Variants in SULT1C3 observed in about 807,000 individuals in gnomAD.
SULT1C3 encodes the protein sulfotransferase 1C3.
SULT1C3 carries 31 observed loss-of-function variants against 28.4 expected under a neutral mutation model. The ratio of observed to expected loss-of-function variants is 1.09; its 90% CI spans 0.82 to 1.47. The LOEUF (loss-of-function observed/expected upper bound fraction) is 1.47. Ranked by LOEUF, SULT1C3 falls within the 40% of genes most tolerant of loss-of-function variation. SULT1C3 has a pLI of 0.00. For missense variants in SULT1C3, 307 were observed against 272.5 expected (o/e 1.13, Z -0.89); for synonymous variants, 106 against 92.2 (o/e 1.15, Z -0.86).
At chr2:108,247,152 A>T in intron 1 of SULT1C3, 36 bp from the exon 2 acceptor site, 1 of 1,383,214 alleles carries the variant, frequency 7.2e-7, no homozygotes. Context: ...CAACATTTTT[A>T]AAAATTTTAA....
At chr2:108,257,932 GTCACT>G (rs1229702996) in intron 5 of SULT1C3, among the ~76,000 whole-genome samples, 2 of 152,028 alleles carry the variant, frequency 1.3e-5, no homozygotes, top group East Asian at 3.9e-4. Flanking sequence ...CAAAGTTCAA[GTCACT>G]GCAAACTTAC....
In SULT1C3 at chr2:108,259,008, AAAACTTGGTCAGGTGATGTTAT is replaced by A. The variant is rs149535765; in HGVS notation, c.669_690del (p.Trp224ArgfsTer10). On this transcript the variant is annotated frameshift_variant, in exon 7 of 8. Transcript: ENST00000681802. LOFTEE classifies it high-confidence loss of function. ...CCACAAGGTGTTGGAATTCTTGGAG[AAAACTTGGTCAGGTGATGTTAT>A]AAACAAGATTGTCCACCATACCTCA... 214,330 of 680,116 alleles carry A rather than the reference AAAACTTGGTCAGGTGATGTTAT, an allele frequency of 0.32. 37,634 individuals carry two copies. Among genetic ancestry groups the A allele is most frequent in the South Asian group, 0.38 (23,925 of 63,378 alleles). The allele number at this position is 680,116 out of a possible 1,614,324, so 42.1% of individuals were successfully genotyped here. A position where few individuals can be genotyped will look rare whatever the true frequency, so the allele number is the denominator to read the frequency against.
intron 5 of SULT1C3, among the ~76,000 whole-genome samples, chr2:108,256,522 C>T (rs1675872672): frequency 6.6e-6 from 1 of 152,080 alleles, no homozygotes; most frequent in Admixed American, 6.6e-5. Context: ...TCCACCATTT[C>T]ACTAACGTCT....
At chr2:108,247,459 G>T in intron 2 of SULT1C3, 93 bp downstream of exon 2, 1 of 1,207,274 alleles carries the variant, frequency 8.3e-7, no homozygotes. Flanking sequence ...GGGATTTGGA[G>T]AGAAACAATT....
At chr2:108,240,768 A>G (rs1358901162) in intron 1 of SULT1C3, among the ~76,000 whole-genome samples, 6 of 152,252 alleles carry the variant, frequency 3.9e-5, no homozygotes, top group African/African-American at 1.2e-4. Context: ...AATGACAAAT[A>G]TATGATAACA....
In SULT1C3 at chr2:108,259,279, C is replaced by G. The variant is rs542092456; in HGVS notation, c.802+133C>G. ...ATTTTGAATCTCTGCTCCCTTCACC[C>G]TGCCTGTTTGCAGACAGCCAATGTC... On this transcript the variant is annotated intron_variant, in intron 7 of 7. Transcript: ENST00000681802. 1.6e-3 allele frequency: 316 copies of G among 200,854 alleles called. 2 individuals carry two copies. Among genetic ancestry groups the G allele is most frequent in the Non-Finnish European group, 2.4e-3 (229 of 94,958 alleles). The allele number at this position is 200,854 out of a possible 1,614,324, so 12.4% of individuals were successfully genotyped here.
intron 1 of SULT1C3, among the ~76,000 whole-genome samples, chr2:108,243,842 A>T (rs1675523697): frequency 6.6e-6 from 1 of 152,204 alleles, no homozygotes; most frequent in Non-Finnish European, 1.5e-5. Flanking sequence ...AAACTGGCTT[A>T]TATGATTTTT....
chr2:108,245,301 G>A (rs1162601232), intron 1 of SULT1C3, among the ~76,000 whole-genome samples: 1 of 151,646 alleles, frequency 6.6e-6, no homozygotes, highest in Non-Finnish European at 1.5e-5. Context: ...TGTGGCCTGC[G>A]TGCCTTCCAA....
chr2:108,253,254 T>C lies in SULT1C3; in HGVS notation c.302-91T>C, dbSNP rs867534693. ...TTTCCAATGGATATAAAACAAAATA[T>C]AATCACTCTACAGACAAAGATATAA... is the stretch of plus-strand genomic sequence containing the variant. On this transcript the variant is annotated intron_variant, in intron 3 of 7. Transcript: ENST00000681802. 9.1e-6 allele frequency: 7 copies of C among 765,416 alleles called. No individual in the cohort carries two copies. The Middle Eastern group carries it at 1.5e-3, about 168-fold the overall frequency. The allele number at this position is 765,416 out of a possible 1,614,324, so 47.4% of individuals were successfully genotyped here.
chr2:108,263,142 G>A (rs1479548519), downstream of SULT1C3, among the ~76,000 whole-genome samples: 1 of 152,072 alleles, frequency 6.6e-6, no homozygotes, highest in Non-Finnish European at 1.5e-5. Flanking sequence ...CTGAGGTTTG[G>A]GGAGTTCCTT....
rs371453183 is a variant in SULT1C3 at position 108,247,058 on chromosome 2, G to C, written c.-7-130G>C. ...TTAATGTACATAGAGTAAGTTGTTA[G>C]CATGTTATATGTTAGCTTTCACTTA... On this transcript the variant is annotated intron_variant, in intron 1 of 7. Coordinates refer to ENST00000681802, the MANE Select transcript of SULT1C3 (RefSeq NM_001320878.2). 4 of 584,236 alleles carry C rather than the reference G, an allele frequency of 6.8e-6. No individual in the cohort carries two copies. The South Asian group carries it at 3.5e-4, about 51-fold the overall frequency. The allele number at this position is 584,236 out of a possible 1,614,324, so 36.2% of individuals were successfully genotyped here. A position where few individuals can be genotyped will look rare whatever the true frequency, so the allele number is the denominator to read the frequency against.
At chr2:108,251,172 G>A (rs116214857) in intron 2 of SULT1C3, among the ~76,000 whole-genome samples, 1,526 of 152,064 alleles carry the variant, frequency 0.01, 30 homozygotes, top group African/African-American at 0.033. Flanking sequence ...AGAATTTAGA[G>A]GAATTGCAGT....
At chr2:108,264,267 G>A (rs1432456576), downstream of SULT1C3, among the ~76,000 whole-genome samples, 1 of 152,166 alleles carries the variant, frequency 6.6e-6, no homozygotes, top group African/African-American at 2.4e-5. Flanking sequence ...AAAAGCTATA[G>A]CTTTCTCTCT....
intron 5 of SULT1C3, 68 bp downstream of exon 5, chr2:108,255,766 T>C (rs775090080): frequency 2.0e-6 from 3 of 1,536,548 alleles, no homozygotes; most frequent in Non-Finnish European, 2.6e-6. Context: ...CTCTGTAAAC[T>C]GGAGGAGAAA....
downstream of SULT1C3, chr2:108,265,184 T>A (rs1307820782): frequency 5.2e-6 from 8 of 1,550,212 alleles, no homozygotes; most frequent in Middle Eastern, 1.7e-4. Context: ...TAAGGGTGCA[T>A]GCTTACCTCT....
At chr2:108,252,544 G>A (rs958689636) in intron 3 of SULT1C3, 51 bp downstream of exon 3, 2 of 1,604,396 alleles carry the variant, frequency 1.2e-6, no homozygotes, top group Non-Finnish European at 1.7e-6. Context: ...GGATTCCAGA[G>A]CAATGTGTAC....
At chr2:108,252,640 T>G in intron 3 of SULT1C3, 147 bp downstream of exon 3, 4 of 935,236 alleles carry the variant, frequency 4.3e-6, no homozygotes, top group Non-Finnish European at 6.1e-6. Flanking sequence ...AATCAAACTC[T>G]AGATTGGGTC....
chr2:108,243,630 CA>C (rs34569653), intron 1 of SULT1C3, among the ~76,000 whole-genome samples: 2,090 of 129,732 alleles, frequency 0.016, 35 homozygotes, highest in African/African-American at 0.042. Context: ...GACTCTATCT[CA>C]AAAAAAAAAA....
At chr2:108,245,472 A>G (rs146348514) in intron 1 of SULT1C3, among the ~76,000 whole-genome samples, 6 of 152,358 alleles carry the variant, frequency 3.9e-5, no homozygotes, top group African/African-American at 1.4e-4. Flanking sequence ...GAATCCCTTT[A>G]CTAATTAAGC....
Sources: allele counts gnomAD v4.1 joint callset (sites outside exome capture counted in the v4.1 genomes callset), GRCh38; gene constraint gnomAD v4.1.1; transcripts MANE v1.5; gene names NCBI Gene and HGNC (gene_info 2026-07-23, HGNC 2026-07-21).